The following ARHGEF10L variants were observed in gnomAD, a reference collection of about 807,000 sequenced individuals.
ARHGEF10L encodes the protein rho guanine nucleotide exchange factor 10-like protein.
A neutral mutation model predicts 141.2 loss-of-function variants in ARHGEF10L; 69 were observed. The ratio of observed to expected loss-of-function variants is 0.49; its 90% confidence interval spans 0.40 to 0.60. ARHGEF10L has a LOEUF of 0.60. Ranked by LOEUF, ARHGEF10L falls within the 20% of genes least tolerant of loss-of-function variation. ARHGEF10L has a pLI of 0.00. For synonymous variants in ARHGEF10L, 711 were observed against 718.5 expected, an observed-to-expected ratio of 0.99 and a Z score of 0.17; for missense variants, 1,482 against 1,734.3, an observed-to-expected ratio of 0.85 and a Z score of 2.58.
rs1174683491 is a variant in ARHGEF10L at position 17,638,685 on chromosome 1, G to A, written c.2167G>A (p.Asp723Asn). Residue 723 changes from aspartate to asparagine, a missense_variant, in exon 20 of 29, where the codon GAC (aspartate) becomes AAC (asparagine). By Grantham distance (23) the Asp-to-Asn change is conservative (BLOSUM62 1). Coordinates refer to ENST00000361221, the MANE Select transcript of ARHGEF10L (RefSeq NM_018125.4). ...RLRLLLPGKPDKSGRPISFMV... is the reference protein window; with the variant it reads ...RLRLLLPGKPNKSGRPISFMV... ...CAGGCTCCTGCTTCCTGGGAAACCC[G>A]ACAAGTGAGAGGAGGGGGTCTTGGA... 60 of 1,613,818 alleles carry A rather than the reference G, an allele frequency of 3.7e-5. No individual in the cohort carries two copies. Among genetic ancestry groups the A allele is most frequent in the Non-Finnish European group, 4.6e-5 (54 of 1,180,014 alleles).
At position 17,654,524 on chromosome 1, in the gene ARHGEF10L, C is replaced by G; in HGVS notation, c.2395-112C>G. ...AAGCATGTTGCTTTCCTGGCCCCCA[C>G]CCACAGGGATTCTAATCCAGGGAGA... On this transcript the variant is annotated intron_variant, in intron 22 of 28. Coordinates refer to ENST00000361221, the MANE Select transcript of ARHGEF10L (RefSeq NM_018125.4). The surrounding 1 kb of genome is among the most constrained non-coding windows in gnomAD (Gnocchi z 4.3). 1 of 933,884 alleles carries G rather than the reference C, an allele frequency of 1.1e-6. No homozygotes were observed. The highest frequency in any genetic ancestry group is 1.7e-5 in the Admixed American group (1 of 58,928). The allele number at this position is 933,884 out of a possible 1,614,324, so 57.8% of individuals were successfully genotyped here. A position where few individuals can be genotyped will look rare whatever the true frequency, so the allele number is the denominator to read the frequency against.
chr1:17,552,377 C>T (rs1570419812), intron 1 of ARHGEF10L, among the ~76,000 whole-genome samples: 2 of 152,096 alleles, frequency 1.3e-5, no homozygotes, highest in South Asian at 2.1e-4. Flanking sequence ...TGCCAGGTAC[C>T]ACGCATGATC....
intron 4 of ARHGEF10L, among the ~76,000 whole-genome samples, chr1:17,593,817 A>T (rs992472072): frequency 2.0e-5 from 3 of 151,994 alleles, no homozygotes; most frequent in Admixed American, 2.0e-4. Flanking sequence ...ACAGCCCTGG[A>T]AAGAGGAAAT....
intron 2 of ARHGEF10L, among the ~76,000 whole-genome samples, chr1:17,586,097 C>G (rs192391359): frequency 6.6e-6 from 1 of 152,288 alleles, no homozygotes; most frequent in Admixed American, 6.5e-5. Flanking sequence ...TGCTGCTAAT[C>G]GTCCTACAGT....
Position 17,627,650 on chromosome 1 carries a change from G to T in ARHGEF10L, c.1584+147G>T. ...GCTCTTCCAAGGATGTGACCTTGGG[G>T]ATTGGATCCTCAGCGGGACCCCCAC... On this transcript the variant is annotated intron_variant, in intron 15 of 28. Coordinates refer to ENST00000361221, the MANE Select transcript of ARHGEF10L (RefSeq NM_018125.4). The surrounding 1 kb of genome is among the most constrained non-coding windows in gnomAD (Gnocchi z 4.0). 1.0e-6 allele frequency: 1 copy of T among 978,212 alleles called. No homozygotes were observed. Among genetic ancestry groups the T allele is most frequent in the Admixed American group, 2.8e-5 (1 of 35,680 alleles). 60.6% of individuals were successfully genotyped at this position (978,212 alleles called of 1,614,324 possible).
At chr1:17,523,411 A>G in the ARHGEF10L span, among the ~76,000 whole-genome samples, 1 of 151,966 alleles carries the variant, frequency 6.6e-6, no homozygotes, top group Non-Finnish European at 1.5e-5. Context: ...ATTTTCATTT[A>G]TTGGGCACCC....
rs1557883515 is a variant in ARHGEF10L at position 17,634,399 on chromosome 1, C to T, written c.1731-149C>T. On this transcript the variant is annotated intron_variant, in intron 16 of 28. Coordinates refer to ENST00000361221, the MANE Select transcript of ARHGEF10L (RefSeq NM_018125.4). ...AGGCCCGCTTCTGTCCACACCTGGC[C>T]TCTGATGCCCTCATTCCCCGCAGGA... 10 of 1,322,956 alleles carry T rather than the reference C, an allele frequency of 7.6e-6. 1 individual carries two copies. The highest frequency in any genetic ancestry group is 1.8e-4 in the Middle Eastern group (1 of 5,406). The allele number at this position is 1,322,956 out of a possible 1,614,324, so 82.0% of individuals were successfully genotyped here.
intron 10 of ARHGEF10L, among the ~76,000 whole-genome samples, chr1:17,620,132 G>A (rs2060027460): frequency 6.6e-6 from 1 of 151,868 alleles, no homozygotes; most frequent in South Asian, 2.1e-4. Context: ...GAACCTGGGA[G>A]GCAGAGGTTG....
At chr1:17,531,960 C>T in the ARHGEF10L span, among the ~76,000 whole-genome samples, 1 of 152,308 alleles carries the variant, frequency 6.6e-6, no homozygotes, top group African/African-American at 2.4e-5. Context: ...TGGCCAGGCC[C>T]TCCTGCCACA....
intron 27 of ARHGEF10L, among the ~76,000 whole-genome samples, chr1:17,690,300 A>T (rs537146246): frequency 6.6e-6 from 1 of 152,316 alleles, no homozygotes; most frequent in East Asian, 1.9e-4. Flanking sequence ...CCTGTCTTCC[A>T]GCTCTGACTG....
intron 22 of ARHGEF10L, among the ~76,000 whole-genome samples, chr1:17,652,832 C>A (rs187916459): frequency 6.6e-6 from 1 of 152,060 alleles, no homozygotes; most frequent in African/African-American, 2.4e-5. Context: ...ACCTTGGGAG[C>A]CTAAGGGGTG....
chr1:17,573,890 T>C lies in ARHGEF10L; in HGVS notation c.-43-6663T>C, dbSNP rs1328874388. Among the ~76,000 whole-genome samples the C allele has an allele frequency of 1.3e-5, 2 of 151,970 alleles. No homozygotes were observed. The highest frequency in any genetic ancestry group is 1.3e-4 in the Admixed American group (2 of 15,262). ...GGACAGAGTCTCCATTGTCTGAGGC[T>C]CCAGCCATTGACCAAACTTGGCCCC... On this transcript the variant is annotated intron_variant, in intron 1 of 28. Transcript: ENST00000361221. The surrounding 1 kb of genome is among the most constrained non-coding windows in gnomAD (Gnocchi z 4.8).
At chr1:17,653,650 T>C (rs570454296) in intron 22 of ARHGEF10L, among the ~76,000 whole-genome samples, 1 of 152,334 alleles carries the variant, frequency 6.6e-6, no homozygotes, top group Admixed American at 6.5e-5. Flanking sequence ...CAGGCAGAAC[T>C]GGGGCCCCAG....
chr1:17,601,127 C>T (rs958606190), intron 4 of ARHGEF10L, among the ~76,000 whole-genome samples: 1 of 151,498 alleles, frequency 6.6e-6, no homozygotes, highest in Non-Finnish European at 1.5e-5. Context: ...GCCAGGTATT[C>T]GGTACAATGT....
intron 16 of ARHGEF10L, 44 bp from the exon 17 acceptor site, chr1:17,634,504 C>T: frequency 1.2e-6 from 2 of 1,614,200 alleles, no homozygotes. Flanking sequence ...TTAGCCACTC[C>T]ATTGTAATAA....
intron 27 of ARHGEF10L, 113 bp from the exon 28 acceptor site, chr1:17,695,045 T>C: frequency 6.6e-7 from 1 of 1,518,260 alleles, no homozygotes. Context: ...GCCCAACTTC[T>C]TGCTGGTTTC....
intron 26 of ARHGEF10L, among the ~76,000 whole-genome samples, chr1:17,670,352 G>A (rs1043482033): frequency 1.3e-5 from 2 of 152,270 alleles, no homozygotes; most frequent in African/African-American, 4.8e-5. Context: ...GCAGAAGCGA[G>A]GCCTGTTAAA....
At chr1:17,559,929 C>T (rs149727293) in intron 1 of ARHGEF10L, among the ~76,000 whole-genome samples, 209 of 152,256 alleles carry the variant, frequency 1.4e-3, no homozygotes, top group African/African-American at 4.8e-3. Context: ...ACCTCATGTT[C>T]CTGCTTGATT....
Position 17,637,944 on chromosome 1 carries a change from G to A in ARHGEF10L, c.1984G>A (p.Asp662Asn), listed in dbSNP as rs1489151498. 6.2e-7 allele frequency: 1 copy of A among 1,602,666 alleles called. No homozygotes were observed. The highest frequency in any genetic ancestry group is 1.3e-5 in the African/African-American group (1 of 74,926). The change falls in exon 19 of 29, where the codon GAC (aspartate) becomes AAC (asparagine). Residue 662 changes from aspartate (D) to asparagine (N), a missense_variant. Asp to Asn is a conservative substitution (Grantham distance 23, BLOSUM62 1). Transcript: ENST00000361221. ...CCAGGAGCTGCAGGACCTGCAGAAG[G>A]ACCTGGCCGTGGTGGAGCAGATCAC... ...LFQELQDLQKDLAVVEQITLL... is the reference protein window; with the variant it reads ...LFQELQDLQKNLAVVEQITLL...
Sources: allele counts gnomAD v4.1 joint callset (sites outside exome capture counted in the v4.1 genomes callset), GRCh38; gene constraint gnomAD v4.1.1; non-coding constraint Gnocchi (gnomAD v3.1); transcripts MANE v1.5; gene names NCBI Gene and HGNC (gene_info 2026-07-23, HGNC 2026-07-21).